The following CCDC88A variants were observed in gnomAD, a reference collection of about 807,000 sequenced individuals.
CCDC88A encodes coiled-coil and HOOK domain protein 88A.
In CCDC88A, 54 loss-of-function variants were observed where a neutral mutation model predicts 234.3. That is an observed-to-expected ratio of 0.23 (90% CI 0.19 to 0.29). The LOEUF is 0.29. Ranked by LOEUF, CCDC88A falls within the 10% of genes least tolerant of loss-of-function variation. The pLI is 1.00. For synonymous variants in CCDC88A, 753 were observed against 737.8 expected, an observed-to-expected ratio of 1.02 and a Z score of -0.33; for missense variants, 1,832 against 2,123.4, an observed-to-expected ratio of 0.86 and a Z score of 2.70.
intron 4 of CCDC88A, 45 bp downstream of exon 4, chr2:55,374,769 C>T (rs754506070): frequency 8.4e-7 from 1 of 1,193,980 alleles, no homozygotes. Context: ...CATAGTATTA[C>T]ACAAAGGTTA....
Position 55,418,870 on chromosome 2 carries a change from T to G in CCDC88A, c.110A>C (p.Asp37Ala), listed in dbSNP as rs1681888823. ...CCCATCCACCAAAGCCACATATTCATCAAGGTTGGTCCCATTTCCTGCGGC... is the reference window on the plus strand; with the variant it reads ...CCCATCCACCAAAGCCACATATTCAGCAAGGTTGGTCCCATTTCCTGCGGC... ...PLAAGNGTNL[D>A]EYVALVDGVF... The change falls in exon 2 of 33, where the codon GAT (aspartate) becomes GCT (alanine). Residue 37 changes from aspartate to alanine, a missense_variant. Coordinates refer to ENST00000436346, the MANE Select transcript of CCDC88A (RefSeq NM_001365480.1). 1.2e-6 allele frequency: 2 copies of G among 1,614,188 alleles called. No individual in the cohort carries two copies. Among genetic ancestry groups the G allele is most frequent in the Non-Finnish European group, 1.7e-6 (2 of 1,180,024 alleles).
At position 55,304,864 on chromosome 2, in the gene CCDC88A, A is replaced by G. The variant is rs1490762978; in HGVS notation, c.4388-1712T>C. 2.0e-5 allele frequency among the ~76,000 whole-genome samples: 3 copies of G among 152,244 alleles called. No homozygotes were observed. The East Asian group carries it at 5.8e-4, about 29-fold the overall frequency. ...AAGACCTAAAAACATATTATACACT[A>G]TTTAATAACTACATTCTTTCTCAGT... On this transcript the variant is annotated intron_variant, in intron 25 of 32. Transcript: ENST00000436346.
intron 2 of CCDC88A, among the ~76,000 whole-genome samples, chr2:55,391,053 G>A (rs1676557983): frequency 6.6e-6 from 1 of 152,170 alleles, no homozygotes; most frequent in South Asian, 2.1e-4. Context: ...ACTCCACAAG[G>A]CTAAGCAAAG....
At chr2:55,325,106 C>T (rs1387564799) in intron 17 of CCDC88A, among the ~76,000 whole-genome samples, 1 of 152,108 alleles carries the variant, frequency 6.6e-6, no homozygotes, top group Non-Finnish European at 1.5e-5. Flanking sequence ...GTTAATCTGC[C>T]TGTTGGGATT....
At chr2:55,349,629 T>C (rs116302487) in intron 8 of CCDC88A, 30 bp from the exon 9 acceptor site, 620 of 1,492,828 alleles carry the variant, frequency 4.2e-4, no homozygotes, top group Non-Finnish European at 5.1e-4. Flanking sequence ...TCATTAAGTA[T>C]ACTATTTTTG....
intron 8 of CCDC88A, chr2:55,350,107 C>CG: frequency 6.6e-6 from 1 of 152,452 alleles, no homozygotes; most frequent in African/African-American, 2.4e-5. Context: ...TTAGTAGAGA[C>CG]GGGGTTTCAC....
In CCDC88A at chr2:55,289,462, T is replaced by G. The variant is rs1679293736; in HGVS notation, c.*1738A>C. The G allele has an allele frequency of 6.6e-6, 1 of 152,408 alleles. No homozygotes were observed. Among genetic ancestry groups the G allele is most frequent in the Admixed American group, 6.5e-5 (1 of 15,270 alleles). The allele number at this position is 152,408 out of a possible 1,614,324, so 9.4% of individuals were successfully genotyped here. On this transcript the variant is annotated 3_prime_UTR_variant, in exon 33 of 33. Coordinates refer to ENST00000436346, the MANE Select transcript of CCDC88A (RefSeq NM_001365480.1). ...TCCAGGGAGTTATGAGAGAGAGAGA[T>G]GTTTCAAAGTCTACGGAAAAGGTTT...
At chr2:55,339,241 G>T (rs985002127) in intron 13 of CCDC88A, 8 of 435,398 alleles carry the variant, frequency 1.8e-5, no homozygotes, top group African/African-American at 1.0e-4. Flanking sequence ...TTACAGGCGT[G>T]AGCCCCCGCA....
Position 55,343,736 on chromosome 2 carries a change from C to T in CCDC88A, c.1245G>A (p.Leu415=), listed in dbSNP as rs1246878685. Residue 415 remains leucine, a synonymous_variant, in exon 12 of 33, where the codon TTG becomes TTA. Transcript: ENST00000436346. ...IEELMEENMT[L]EMAQKQSMDE... is the part of the protein sequence containing the mutation. The stretch of plus-strand genomic sequence containing the variant: ...CCATACTTTGTTTCTGTGCCATTTC[C>T]AAAGTCATATTTTCTTCCATTAATT... The T allele has an allele frequency of 6.2e-7, 1 of 1,611,094 alleles. No homozygotes were observed.
chr2:55,362,636 T>C (rs1362562960), intron 6 of CCDC88A, among the ~76,000 whole-genome samples, 188 bp from the exon 7 acceptor site: 1 of 151,980 alleles, frequency 6.6e-6, no homozygotes, highest in East Asian at 1.9e-4. Context: ...TAACTAAATA[T>C]AAACCTTAAA....
At chr2:55,384,906 C>G (rs1452131261) in intron 3 of CCDC88A, among the ~76,000 whole-genome samples, 2 of 151,942 alleles carry the variant, frequency 1.3e-5, no homozygotes, top group Non-Finnish European at 2.9e-5. Flanking sequence ...ATCCACCCAT[C>G]TTGGCCTTCC....
At chr2:55,406,863 C>T (rs768220038) in intron 2 of CCDC88A, among the ~76,000 whole-genome samples, 6 of 152,140 alleles carry the variant, frequency 3.9e-5, no homozygotes, top group Admixed American at 6.5e-5. Context: ...GTTATGTTAT[C>T]GATGATAATG....
chr2:55,419,220 C>A lies in CCDC88A; in HGVS notation c.-141G>T. The A allele has an allele frequency of 1.6e-6, 1 of 618,686 alleles. No individual in the cohort carries two copies. Among genetic ancestry groups the A allele is most frequent in the East Asian group, 2.8e-5 (1 of 36,292 alleles). 38.3% of individuals were successfully genotyped at this position (618,686 alleles called of 1,614,324 possible). A position where few individuals can be genotyped will look rare whatever the true frequency, so the allele number is the denominator to read the frequency against. ...AATCCCATCGTGGAGGAGGGGGGCA[C>A]TCTCCCTCCTCAAAAAACACCCCAG... On this transcript the variant is annotated 5_prime_UTR_variant, in exon 1 of 33. Transcript: ENST00000436346.
intron 6 of CCDC88A, 28 bp from the exon 7 acceptor site, chr2:55,362,476 C>T (rs1273570620): frequency 1.3e-6 from 2 of 1,582,126 alleles, no homozygotes; most frequent in Admixed American, 3.8e-5. Flanking sequence ...AAATAAACAA[C>T]CAAAAAAGTG....
chr2:55,287,902 T>C lies in CCDC88A; in HGVS notation c.*3298A>G, dbSNP rs903143768. 2.0e-5 allele frequency: 3 copies of C among 152,590 alleles called. No individual in the cohort carries two copies. Among genetic ancestry groups the C allele is most frequent in the African/African-American group, 7.2e-5 (3 of 41,468 alleles). The allele number at this position is 152,590 out of a possible 1,614,324, so 9.5% of individuals were successfully genotyped here. ...TTATATTAGTTTGATACGTGAATGT[T>C]AGTCCAACTTAATTTTTGAAGGAGA... On this transcript the variant is annotated 3_prime_UTR_variant, in exon 33 of 33. Coordinates refer to ENST00000436346, the MANE Select transcript of CCDC88A (RefSeq NM_001365480.1).
rs1364412372 is a variant in CCDC88A at position 55,300,193 on chromosome 2, G to A, written c.4745-274C>T. 1.2e-4 allele frequency: 41 copies of A among 355,626 alleles called. No homozygotes were observed. The Admixed American group carries it at 1.7e-3, about 14-fold the overall frequency. The allele number at this position is 355,626 out of a possible 1,614,324, so 22.0% of individuals were successfully genotyped here. A position where few individuals can be genotyped will look rare whatever the true frequency, so the allele number is the denominator to read the frequency against. On this transcript the variant is annotated intron_variant, in intron 28 of 32. Transcript: ENST00000436346. ...AGATGGATATGCCAGGAGTGTTTTAGTTAAATAGAATGACATATCCCCCCA... is the reference window on the plus strand; with the variant it reads ...AGATGGATATGCCAGGAGTGTTTTAATTAAATAGAATGACATATCCCCCCA...
At chr2:55,380,635 A>T (rs1344147144) in intron 3 of CCDC88A, among the ~76,000 whole-genome samples, 2 of 152,118 alleles carry the variant, frequency 1.3e-5, no homozygotes, top group African/African-American at 4.8e-5. Flanking sequence ...TATTTTTTTG[A>T]GACAGAGTCT....
intron 16 of CCDC88A, chr2:55,331,728 T>G (rs1047457218): frequency 1.3e-5 from 2 of 152,190 alleles, no homozygotes; most frequent in African/African-American, 4.8e-5. Flanking sequence ...TAAACCTATA[T>G]TGATCATTTT....
In CCDC88A at chr2:55,335,987, G is replaced by A. The variant is rs1685420712; in HGVS notation, c.1656+694C>T. ...GCAGGAATATCACTTCAGCTCAGGG[G>A]TTTGAGACCAGCCTGGGGAGCATAG... On this transcript the variant is annotated intron_variant, in intron 14 of 32. Transcript: ENST00000436346. The surrounding 1 kb of genome is among the most constrained non-coding windows in gnomAD (Gnocchi z 4.5). Among the ~76,000 whole-genome samples the A allele has an allele frequency of 6.6e-6, 1 of 151,958 alleles. No homozygotes were observed. The highest frequency in any genetic ancestry group is 6.6e-5 in the Admixed American group (1 of 15,246).
Sources: gnomAD v4.1 joint callset for allele counts (sites outside exome capture counted in the v4.1 genomes callset) on GRCh38, gnomAD v4.1.1 for gene constraint, Gnocchi (gnomAD v3.1) non-coding constraint, MANE v1.5 for transcripts, NCBI Gene and HGNC (gene_info 2026-07-23, HGNC 2026-07-21) for gene names.